The following SLC18A1 variants were observed in gnomAD, a reference collection of about 807,000 sequenced individuals.
SLC18A1 encodes the protein solute carrier family 18 member A1, also known as chromaffin granule amine transporter.
A neutral mutation model predicts 53.7 loss-of-function variants in SLC18A1; 69 were observed. The ratio of observed to expected loss-of-function variants is 1.28; its 90% CI spans 1.06 to 1.57. SLC18A1 has a LOEUF of 1.57. Among genes scored for constraint, SLC18A1 ranks in the 40% most tolerant of loss-of-function variants. The probability of loss-of-function intolerance (pLI) is 0.00; values close to 1 mark genes in which losing one functional copy is unlikely to be tolerated. For synonymous variants in SLC18A1, 320 were observed against 248.1 expected, an observed-to-expected ratio of 1.29 and a Z score of -2.72; for missense variants, 932 against 668.1, an observed-to-expected ratio of 1.40 and a Z score of -4.35.
Position 20,176,112 on chromosome 8 carries a change from G to A in SLC18A1, c.548-1668C>T, listed in dbSNP as rs139507160. On this transcript the variant is annotated intron_variant, in intron 4 of 15. Coordinates refer to ENST00000276373, the MANE Select transcript of SLC18A1 (RefSeq NM_003053.4). ...AATCTCATGTTGAAATTTGATCCCC[G>A]GTGTTGGAGATGGGGCCCAGTGGAA... 5.3e-3 allele frequency among the ~76,000 whole-genome samples: 812 copies of A among 152,272 alleles called. 13 individuals are homozygous for A. Among genetic ancestry groups the A allele is most frequent in the African/African-American group, 0.019 (784 of 41,546 alleles).
At position 20,159,634 on chromosome 8, in the gene SLC18A1, C is replaced by CAAAAAAAAAAAAAAA. The variant is rs200123466; in HGVS notation, c.1015+5220_1015+5234dup. Among the ~76,000 whole-genome samples, 96 of 81,514 alleles carry CAAAAAAAAAAAAAAA rather than the reference C, an allele frequency of 1.2e-3. 1 individual carries two copies. The highest frequency in any genetic ancestry group is 1.9e-3 in the East Asian group (6 of 3,212). 53.5% of individuals were successfully genotyped at this position (81,514 alleles called of 152,430 possible). A position where few individuals can be genotyped will look rare whatever the true frequency, so the allele number is the denominator to read the frequency against. On this transcript the variant is annotated intron_variant, in intron 10 of 15. Transcript: ENST00000276373. ...TCACTCTATTAAATCTTGCAGCTGC[C>CAAAAAAAAAAAAAAA]AAAAAAAAAAAAAAAAAAAAAAAAA...
intron 10 of SLC18A1, among the ~76,000 whole-genome samples, chr8:20,154,218 G>C (rs1035015492): frequency 4.6e-5 from 7 of 152,146 alleles, no homozygotes; most frequent in Non-Finnish European, 2.9e-5. Flanking sequence ...CACAAAGTGA[G>C]GGCATAAATA....
At chr8:20,177,135 G>T (rs773634723) in intron 4 of SLC18A1, among the ~76,000 whole-genome samples, 1 of 152,158 alleles carries the variant, frequency 6.6e-6, no homozygotes, top group Non-Finnish European at 1.5e-5. Context: ...GTCTAACTTA[G>T]GCTGAACTGC....
chr8:20,182,154 T>C (rs1007651934), intron 1 of SLC18A1, among the ~76,000 whole-genome samples: 1 of 152,074 alleles, frequency 6.6e-6, no homozygotes, highest in Non-Finnish European at 1.5e-5. Flanking sequence ...CATCATGAAA[T>C]CTATCAGGCC....
intron 4 of SLC18A1, 87 bp from the exon 5 acceptor site, chr8:20,174,531 G>T: frequency 1.2e-6 from 1 of 825,582 alleles, no homozygotes; most frequent in Non-Finnish European, 2.1e-6. Flanking sequence ...TGATACTGCA[G>T]ATATGAGTCT....
chr8:20,148,475 G>A (rs2051443476), intron 12 of SLC18A1: 1 of 1,289,028 alleles, frequency 7.8e-7, no homozygotes, highest in Admixed American at 2.3e-5. Flanking sequence ...TTTCCATTAT[G>A]GACATCACTG....
rs181892247 is a variant in SLC18A1, at chr8:20,176,553, C to T, written c.547+1882G>A. 4.3e-4 allele frequency among the ~76,000 whole-genome samples: 66 copies of T among 152,184 alleles called. 1 individual carries two copies. The highest frequency in any genetic ancestry group is 7.5e-4 in the Non-Finnish European group (51 of 68,014). ...AGCAATTATTTTTTTCACTTTGGAC[C>T]CTTTACATGGGCCACCATTTCACTC... is the stretch of plus-strand genomic sequence containing the variant. On this transcript the variant is annotated intron_variant, in intron 4 of 15. Transcript: ENST00000276373.
chr8:20,181,313 T>C (rs189975949), intron 1 of SLC18A1, among the ~76,000 whole-genome samples: 2 of 152,242 alleles, frequency 1.3e-5, no homozygotes, highest in Non-Finnish European at 2.9e-5. Context: ...TAAAAATAGA[T>C]GCTCTACAGA....
chr8:20,179,242 T>C lies in SLC18A1; in HGVS notation c.367A>G (p.Asn123Asp). The change falls in exon 3 of 16, where the codon AAC becomes GAC. Residue 123 changes from asparagine to aspartate, a missense_variant. By Grantham distance (23) the Asn-to-Asp change is conservative. Coordinates refer to ENST00000276373, the MANE Select transcript of SLC18A1 (RefSeq NM_003053.4). ...AAACCTGTGCCTTGCAAGCAGTTGT[T>C]TTTATGAGCTGAGATGGCTTCAGTG... The part of the protein sequence containing the change: ...PATEAISAHK[N>D]NCLQGTGFLE... 5 of 1,614,170 alleles carry C rather than the reference T, an allele frequency of 3.1e-6. No individual in the cohort carries two copies. The highest frequency in any genetic ancestry group is 3.4e-6 in the Non-Finnish European group (4 of 1,180,038).
At position 20,180,933 on chromosome 8, in the gene SLC18A1, C is replaced by T. The variant is rs17092144; in HGVS notation, c.32G>A (p.Arg11Gln). The T allele has an allele frequency of 5.6e-5, 90 of 1,598,464 alleles. No individual in the cohort carries two copies. Among genetic ancestry groups the T allele is most frequent in the Non-Finnish European group, 7.5e-5 (88 of 1,172,746 alleles). The part of the protein sequence containing the change: MLRTILDAPQ[R>Q]LLKEGRASRQ... The stretch of plus-strand genomic sequence containing the variant: ...GGACGCTCTCCCCTCCTTCAGCAAC[C>T]GCTGGGGAGCATCCAGAATGGTCCG... Residue 11 changes from arginine to glutamine, a missense_variant, in exon 2 of 16, where the codon CGG becomes CAG. Physicochemically the swap from Arg to Gln is conservative, Grantham distance 43. Coordinates refer to ENST00000276373, the MANE Select transcript of SLC18A1 (RefSeq NM_003053.4).
chr8:20,174,414 A>T lies in SLC18A1; in HGVS notation c.578T>A (p.Leu193His). 1 of 1,614,048 alleles carries T rather than the reference A, an allele frequency of 6.2e-7. No homozygotes were observed. The highest frequency in any genetic ancestry group is 8.5e-7 in the Non-Finnish European group (1 of 1,179,922). ...GCCTTGAAGGGTTCGGGCCACAAAG[A>T]GTAGAGTATAGGTCCCAGAAAAAGC... Reference protein sequence around the residue: ...MFAFSGTYTLLFVARTLQGIG... With the variant: ...MFAFSGTYTLHFVARTLQGIG... The change falls in exon 5 of 16, where the codon CTC becomes CAC. Residue 193 changes from leucine to histidine, a missense_variant. Leu to His is a moderately conservative substitution (Grantham distance 99). Coordinates refer to ENST00000276373, the MANE Select transcript of SLC18A1 (RefSeq NM_003053.4).
intron 10 of SLC18A1, among the ~76,000 whole-genome samples, chr8:20,161,119 A>C (rs1321257486): frequency 2.0e-5 from 3 of 152,192 alleles, no homozygotes; most frequent in African/African-American, 7.2e-5. Context: ...AAATGCATTC[A>C]ATCCATCCCA....
intron 10 of SLC18A1, among the ~76,000 whole-genome samples, chr8:20,164,645 G>A (rs1486124822): frequency 6.6e-6 from 1 of 152,096 alleles, no homozygotes; most frequent in South Asian, 2.1e-4. Flanking sequence ...TACACAGCTA[G>A]GTATGTGACC....
intron 4 of SLC18A1, among the ~76,000 whole-genome samples, chr8:20,176,459 A>T (rs1455750298): frequency 1.3e-5 from 2 of 152,240 alleles, no homozygotes; most frequent in Admixed American, 6.5e-5. Flanking sequence ...TAGCAATGCT[A>T]AATGGACTAA....
intron 15 of SLC18A1, among the ~76,000 whole-genome samples, 154 bp downstream of exon 15, chr8:20,147,104 T>G (rs1014162332): frequency 6.6e-6 from 1 of 151,454 alleles, no homozygotes; most frequent in African/African-American, 2.4e-5. Context: ...AAAAGAAATA[T>G]GAAGATGAAA....
chr8:20,174,347 G>T lies in SLC18A1; in HGVS notation c.631+14C>A, dbSNP rs1209249585. ...GCCTGCATGTGTGTGTGCATGATGA[G>T]TTGCCAGTGTTACCTGCAACAGATG... On this transcript the variant is annotated intron_variant, in intron 5 of 15. Coordinates refer to ENST00000276373, the MANE Select transcript of SLC18A1 (RefSeq NM_003053.4). 3.1e-6 allele frequency: 5 copies of T among 1,592,966 alleles called. No homozygotes were observed. The African/African-American group carries it at 6.7e-5, about 21-fold the overall frequency.
chr8:20,158,368 A>C (rs1300766153), intron 10 of SLC18A1, among the ~76,000 whole-genome samples: 2 of 152,192 alleles, frequency 1.3e-5, no homozygotes, highest in Admixed American at 1.3e-4. Context: ...TTTGTTAAGG[A>C]GAGACATTCT....
intron 12 of SLC18A1, chr8:20,148,517 C>T (rs930675608): frequency 7.8e-7 from 1 of 1,275,924 alleles, no homozygotes; most frequent in Non-Finnish European, 1.0e-6. Context: ...AACTTGGTAG[C>T]TGTTGGAAAA....
intron 1 of SLC18A1, among the ~76,000 whole-genome samples, chr8:20,182,334 T>A (rs2072450046): frequency 7.8e-6 from 1 of 129,024 alleles, no homozygotes; most frequent in South Asian, 2.4e-4. Flanking sequence ...ATTAAGCGGC[T>A]CTTAAAAATT....
Sources: allele counts gnomAD v4.1 joint callset (sites outside exome capture counted in the v4.1 genomes callset), GRCh38; gene constraint gnomAD v4.1.1; transcripts MANE v1.5; gene names NCBI Gene and HGNC (gene_info 2026-07-23, HGNC 2026-07-21).